Variants in ADGRG1 observed in about 807,000 individuals in gnomAD.
ADGRG1 encodes the protein adhesion G protein-coupled receptor G1, also known as 7-transmembrane protein with no EGF-like N-terminal domains-1.
In ADGRG1, 53 loss-of-function variants were observed where a neutral mutation model predicts 73.5. The observed-to-expected ratio is 0.72, with a 90% CI of 0.58 to 0.91. ADGRG1 has a LOEUF of 0.91. Among genes scored for constraint, ADGRG1 ranks in the 40% least tolerant of loss-of-function variants. ADGRG1 has a pLI of 0.00. For missense variants in ADGRG1, 795 were observed against 871.8 expected, an observed-to-expected ratio of 0.91 and a Z score of 1.11; for synonymous variants, 394 against 374.4, an observed-to-expected ratio of 1.05 and a Z score of -0.60.
chr16:57,640,840 A>G (rs2040645542), intron 1 of ADGRG1: 2 of 976,596 alleles, frequency 2.0e-6, no homozygotes, highest in Middle Eastern at 5.2e-4. Context: ...CTGCGCTCCA[A>G]AGATGGGAGT....
intron 10 of ADGRG1, chr16:57,659,030 G>T (rs1260971600): frequency 1.0e-6 from 1 of 985,126 alleles, no homozygotes; most frequent in Non-Finnish European, 1.2e-6. Flanking sequence ...ACTCACAGGT[G>T]CACAGTTGTG....
At chr16:57,632,294 C>T (rs1315975273) in intron 1 of ADGRG1, 1 of 985,348 alleles carries the variant, frequency 1.0e-6, no homozygotes, top group African/African-American at 1.7e-5. Flanking sequence ...CCCGTAGAGA[C>T]AGCAAGGGTG....
chr16:57,645,349 C>T, intron 1 of ADGRG1: 2 of 984,080 alleles, frequency 2.0e-6, no homozygotes, highest in Non-Finnish European at 2.4e-6. Context: ...CCTCGTTCCT[C>T]CCTCCTTGGC....
At chr16:57,622,896 C>A (rs543836718), upstream of ADGRG1, 1 of 985,330 alleles carries the variant, frequency 1.0e-6, no homozygotes, top group Admixed American at 6.1e-5. Flanking sequence ...TAAGGAACTG[C>A]ATTCTGCAGT....
intron 5 of ADGRG1, 66 bp from the exon 6 acceptor site, chr16:57,655,333 G>GTT (rs2045422772): frequency 6.9e-6 from 11 of 1,600,448 alleles, no homozygotes; most frequent in Admixed American, 3.3e-5. Flanking sequence ...GTGTGTGTGT[G>GTT]TGCTAGGGTG....
At chr16:57,650,062 G>A in intron 1 of ADGRG1, 191 bp from the exon 2 acceptor site, 1 of 908,630 alleles carries the variant, frequency 1.1e-6, no homozygotes, top group Non-Finnish European at 1.3e-6. Context: ...ACAGACATAA[G>A]TCACCACGCC....
upstream of ADGRG1, chr16:57,626,750 T>G: frequency 1.0e-6 from 1 of 985,396 alleles, no homozygotes; most frequent in Non-Finnish European, 1.2e-6. Context: ...ACAGCTGCCC[T>G]GTGGGCCTGG....
intron 1 of ADGRG1, chr16:57,636,017 C>T: frequency 1.0e-6 from 1 of 985,398 alleles, no homozygotes; most frequent in Non-Finnish European, 1.2e-6. Context: ...CACCCCACCC[C>T]CAGCCTGCTA....
At chr16:57,638,047 A>G (rs565452913) in intron 1 of ADGRG1, among the ~76,000 whole-genome samples, 135 of 152,210 alleles carry the variant, frequency 8.9e-4, no homozygotes, top group Middle Eastern at 3.4e-3. Context: ...CACAGTTTTT[A>G]TGTCCTTTTC....
chr16:57,647,560 TAGTG>T, intron 1 of ADGRG1: 1 of 538,384 alleles, frequency 1.9e-6, no homozygotes, highest in Non-Finnish European at 2.4e-6. Context: ...TCTTCTTTAC[TAGTG>T]AGGAAAGCGA....
chr16:57,652,625 A>G, intron 3 of ADGRG1: 6 of 985,054 alleles, frequency 6.1e-6, no homozygotes, highest in Non-Finnish European at 7.2e-6. Flanking sequence ...CAAATCACCT[A>G]AAACCCAGGC....
At chr16:57,632,115 T>C in intron 1 of ADGRG1, 1 of 985,458 alleles carries the variant, frequency 1.0e-6, no homozygotes, top group Non-Finnish European at 1.2e-6. Flanking sequence ...GATGAGGACA[T>C]TGAGGCAGGG....
intron 1 of ADGRG1, chr16:57,648,421 G>A (rs866243579): frequency 4.1e-6 from 4 of 978,304 alleles, no homozygotes; most frequent in South Asian, 4.7e-5. Context: ...TGCCACCAGG[G>A]CAAGATGATG....
chr16:57,648,059 A>T (rs900338055), intron 1 of ADGRG1: 2 of 152,166 alleles, frequency 1.3e-5, no homozygotes, highest in Non-Finnish European at 2.9e-5. Flanking sequence ...TTGCTATGTG[A>T]CCTCAGGAGG....
chr16:57,650,709 CTTTTTTT>C (rs533496874), intron 2 of ADGRG1, among the ~76,000 whole-genome samples: 6 of 128,968 alleles, frequency 4.7e-5, no homozygotes, highest in African/African-American at 1.5e-4. Context: ...TCAGTTTCCT[CTTTTTTT>C]TTTTTTTTTT....
At chr16:57,629,257 T>C (rs1390788880) in intron 1 of ADGRG1, 2 of 780,752 alleles carry the variant, frequency 2.6e-6, no homozygotes, top group African/African-American at 1.9e-5. Flanking sequence ...CACAAGGAGA[T>C]GCCTGGGAGG....
rs555536742 is a variant in ADGRG1, at chr16:57,641,582, T to A, written c.-35-8671T>A. 27 of 932,436 alleles carry A rather than the reference T, an allele frequency of 2.9e-5. No homozygotes were observed. The African/African-American group carries it at 4.9e-4, about 17-fold the overall frequency. 57.8% of individuals were successfully genotyped at this position (932,436 alleles called of 1,614,324 possible). On this transcript the variant is annotated intron_variant, in intron 1 of 13. Coordinates refer to ENST00000562631, the MANE Select transcript of ADGRG1 (RefSeq NM_201525.4). ...TAAAAGTCCTTTTTTTTTTTTTTTTTTGAGACAGGGTCTCGCTCTGTCACA... is the reference window on the plus strand; with the variant it reads ...TAAAAGTCCTTTTTTTTTTTTTTTTATGAGACAGGGTCTCGCTCTGTCACA...
At position 57,644,509 on chromosome 16, in the gene ADGRG1, T is replaced by C. The variant is rs574342721; in HGVS notation, c.-35-5744T>C. On this transcript the variant is annotated intron_variant, in intron 1 of 13. Transcript: ENST00000562631. ...GCACACACATATGCACACTCATGCATGGGCACACACACTCATCACACACAT... is the reference window on the plus strand; with the variant it reads ...GCACACACATATGCACACTCATGCACGGGCACACACACTCATCACACACAT... 8.8e-4 allele frequency among the ~76,000 whole-genome samples: 120 copies of C among 135,956 alleles called. 1 individual carries two copies. Among genetic ancestry groups the C allele is most frequent in the African/African-American group, 3.3e-3 (116 of 35,158 alleles). 89.2% of individuals were successfully genotyped at this position (135,956 alleles called of 152,430 possible).
intron 1 of ADGRG1, chr16:57,639,537 C>A: frequency 8.1e-6 from 8 of 985,448 alleles, no homozygotes; most frequent in Non-Finnish European, 9.6e-6. Context: ...AAGTCTCTGT[C>A]CTCTTGAAAA....
Sources: allele counts gnomAD v4.1 joint callset (sites outside exome capture counted in the v4.1 genomes callset), GRCh38; gene constraint gnomAD v4.1.1; transcripts MANE v1.5; gene names NCBI Gene and HGNC (gene_info 2026-07-23, HGNC 2026-07-21).